KMT2B: variants seen among roughly 807,000 people sequenced by gnomAD.
KMT2B encodes the protein lysine methyltransferase 2B.
Under a neutral mutation model 255.3 loss-of-function variants are expected in KMT2B, and 22 were observed. That is an observed-to-expected ratio of 0.09 (90% CI 0.06 to 0.12). KMT2B has a LOEUF of 0.12. Among genes scored for constraint, KMT2B ranks in the 10% least tolerant of loss-of-function variants. The pLI, the probability that KMT2B is intolerant of heterozygous loss-of-function variation, is 1.00. For synonymous variants in KMT2B, 1,730 were observed against 1,498.1 expected, an observed-to-expected ratio of 1.15 and a Z score of -3.57; for missense variants, 3,149 against 3,737.0, an observed-to-expected ratio of 0.84 and a Z score of 4.10.
At chr19:35,721,847 G>A (rs779083098) in intron 3 of KMT2B, 43 bp downstream of exon 3, 2 of 1,505,606 alleles carry the variant, frequency 1.3e-6, no homozygotes, top group South Asian at 2.6e-5. Flanking sequence ...CAGCCATCCA[G>A]CCTCCATTCT....
At chr19:35,728,710 T>A in intron 19 of KMT2B, 64 bp from the exon 20 acceptor site, 1 of 1,282,166 alleles carries the variant, frequency 7.8e-7, no homozygotes, top group South Asian at 1.2e-5. Flanking sequence ...GGCTGGTTTG[T>A]GGATGGGCCC....
rs1969023809 is a variant in KMT2B, at chr19:35,718,103, G to C, written c.85G>C (p.Gly29Arg). Reference protein sequence around the residue: ...RFPGRPRGAGGGGGRGGRGNG... With the variant: ...RFPGRPRGAGRGGGRGGRGNG... ...CCCGGGCCGGCCGCGGGGCGCCGGC[G>C]GGGGCGGGGGCCGCGGCGGACGGGG... The change falls in exon 1 of 37, where the codon GGG (glycine) becomes CGG (arginine). Residue 29 changes from glycine to arginine, a missense_variant. By Grantham distance (125) the Gly-to-Arg change is moderately radical. This residue lies in a region of KMT2B where 10 missense variants were observed against 26.9 expected (regional missense o/e 0.37). Transcript: ENST00000420124. This position sits in a 1 kb window ranked among gnomAD's most constrained non-coding sequence, Gnocchi z 5.0. 1.0e-6 allele frequency: 1 copy of C among 992,020 alleles called. No individual in the cohort carries two copies. The highest frequency in any genetic ancestry group is 1.8e-5 in the African/African-American group (1 of 56,862). 61.5% of individuals were successfully genotyped at this position (992,020 alleles called of 1,614,324 possible). A position where few individuals can be genotyped will look rare whatever the true frequency, so the allele number is the denominator to read the frequency against.
chr19:35,723,371 A>C lies in KMT2B; in HGVS notation c.3003-76A>C. 6.5e-7 allele frequency: 1 copy of C among 1,540,972 alleles called. No homozygotes were observed. Among genetic ancestry groups the C allele is most frequent in the Non-Finnish European group, 8.8e-7 (1 of 1,137,708 alleles). On this transcript the variant is annotated intron_variant, in intron 6 of 36. Coordinates refer to ENST00000420124, the MANE Select transcript of KMT2B (RefSeq NM_014727.3). This position sits in a 1 kb window ranked among gnomAD's most constrained non-coding sequence, Gnocchi z 7.5. ...GCCTGGCCAGAGCAGTGGGGTTGGCATTCTTGTGGAGAGCTTCCTCTCTTC... is the reference window on the plus strand; with the variant it reads ...GCCTGGCCAGAGCAGTGGGGTTGGCCTTCTTGTGGAGAGCTTCCTCTCTTC...
chr19:35,719,694 A>G (rs1051202242), intron 2 of KMT2B, 90 bp from the exon 3 acceptor site: 49 of 1,528,918 alleles, frequency 3.2e-5, no homozygotes, highest in Non-Finnish European at 3.9e-5. Context: ...GGAAACACAC[A>G]AGCAAGACTT....
Position 35,719,708 on chromosome 19 carries a change from C to T in KMT2B, c.437-76C>T, listed in dbSNP as rs998547339. 5.9e-6 allele frequency: 9 copies of T among 1,531,870 alleles called. No individual in the cohort carries two copies. In the East Asian group the frequency reaches 1.6e-4, roughly 27 times the overall value. 94.9% of individuals were successfully genotyped at this position (1,531,870 alleles called of 1,614,324 possible). ...GGGAAACACACAAGCAAGACTTAGT[C>T]CCTGCCCTCCTGGAGCGCCTTCCTC... On this transcript the variant is annotated intron_variant, in intron 2 of 36. Coordinates refer to ENST00000420124, the MANE Select transcript of KMT2B (RefSeq NM_014727.3).
chr19:35,721,330 C>G lies in KMT2B; in HGVS notation c.1983C>G (p.Ile661Met). Reference protein sequence around the residue: ...QFTPSEAHLKIYESVLTPPPL... With the variant: ...QFTPSEAHLKMYESVLTPPPL... Reference sequence around the variant, plus strand: ...CCCCAAGCGAAGCCCACCTGAAGATCTACGAATCGGTGCTTACTCCTCCTC... The same window carrying G: ...CCCCAAGCGAAGCCCACCTGAAGATGTACGAATCGGTGCTTACTCCTCCTC... Residue 661 changes from isoleucine to methionine, a missense_variant, in exon 3 of 37, where the codon ATC becomes ATG. Ile to Met is a conservative substitution (Grantham distance 10, BLOSUM62 1). This residue lies in a region of KMT2B where 1,188 missense variants were observed against 1,106.4 expected (regional missense o/e 1.07). Coordinates refer to ENST00000420124, the MANE Select transcript of KMT2B (RefSeq NM_014727.3). The G allele has an allele frequency of 6.4e-7, 1 of 1,561,526 alleles. No homozygotes were observed. Among genetic ancestry groups the G allele is most frequent in the Non-Finnish European group, 8.7e-7 (1 of 1,154,100 alleles).
Position 35,737,591 on chromosome 19 carries a change from C to CT in KMT2B, c.7551-44dup. On this transcript the variant is annotated intron_variant, in intron 33 of 36. Coordinates refer to ENST00000420124, the MANE Select transcript of KMT2B (RefSeq NM_014727.3). The surrounding 1 kb of genome is among the most constrained non-coding windows in gnomAD (Gnocchi z 5.3). The stretch of plus-strand genomic sequence containing the variant: ...AACCCCACCCATTTCCCTGTTAGCT[C>CT]TGTCTTCAACAGTATATTCCTCCTT... 1 of 1,279,710 alleles carries CT rather than the reference C, an allele frequency of 7.8e-7. No homozygotes were observed. The highest frequency in any genetic ancestry group is 1.1e-6 in the Non-Finnish European group (1 of 917,090). The allele number at this position is 1,279,710 out of a possible 1,614,324, so 79.3% of individuals were successfully genotyped here.
rs1385450145 is a variant in KMT2B at position 35,727,297 on chromosome 19, G to T, written c.4117+28G>T. 1 of 1,595,618 alleles carries T rather than the reference G, an allele frequency of 6.3e-7. No homozygotes were observed. Among genetic ancestry groups the T allele is most frequent in the African/African-American group, 1.3e-5 (1 of 74,532 alleles). On this transcript the variant is annotated intron_variant, in intron 15 of 36. Transcript: ENST00000420124. The surrounding 1 kb of genome is among the most constrained non-coding windows in gnomAD (Gnocchi z 4.2). Reference sequence around the variant, plus strand: ...GAGTCAGTGGAGCACCTGGGCTGCAGCCTCAACCCTGTGGGGACCCCTGCC... The same window carrying T: ...GAGTCAGTGGAGCACCTGGGCTGCATCCTCAACCCTGTGGGGACCCCTGCC...
In KMT2B at chr19:35,725,288, C is replaced by A; in HGVS notation, c.3597C>A (p.Gly1199=). The A allele has an allele frequency of 1.3e-6, 2 of 1,579,300 alleles. No homozygotes were observed. Among genetic ancestry groups the A allele is most frequent in the Non-Finnish European group, 1.7e-6 (2 of 1,163,212 alleles). The change falls in exon 11 of 37, where the codon GGC becomes GGA. Residue 1199 remains glycine, a synonymous_variant. Transcript: ENST00000420124. This position sits in a 1 kb window ranked among gnomAD's most constrained non-coding sequence, Gnocchi z 4.1. ...GTGTGCTCACCTCTGTGCCAGGGGGCCCCCCGATGGTGTGCTTGCTGTGTG... is the reference window on the plus strand; with the variant it reads ...GTGTGCTCACCTCTGTGCCAGGGGGACCCCCGATGGTGTGCTTGCTGTGTG... ...GLSVLTSVPG[G]PPMVCLLCAS...
At chr19:35,736,632 CAG>C (rs895634465) in intron 30 of KMT2B, 56 bp from the exon 31 acceptor site, 63 of 1,598,058 alleles carry the variant, frequency 3.9e-5, no homozygotes, top group Non-Finnish European at 4.4e-5. Flanking sequence ...CAGCGGGGCT[CAG>C]GGGCTTTTGA....
chr19:35,730,268 T>C (rs1242428237), intron 23 of KMT2B, 74 bp from the exon 24 acceptor site: 3 of 1,602,724 alleles, frequency 1.9e-6, no homozygotes, highest in African/African-American at 1.3e-5. Context: ...GCCAAGCCCC[T>C]GACTGTTCAG....
At chr19:35,722,506 G>GGCGGGAGGAGTGGGGCT in intron 4 of KMT2B, 34 bp downstream of exon 4, 1 of 1,599,926 alleles carries the variant, frequency 6.3e-7, no homozygotes, top group South Asian at 1.1e-5. Context: ...GAAGAAGACT[G>GGCGGGAGGAGTGGGGCT]GCGGGAGGAG....
intron 23 of KMT2B, 47 bp from the exon 24 acceptor site, chr19:35,730,295 C>T (rs1319326717): frequency 3.1e-6 from 5 of 1,606,000 alleles, no homozygotes; most frequent in African/African-American, 1.3e-5. Context: ...CTGGCATCCA[C>T]CTCCCCCACC....
chr19:35,738,444 C>A lies in KMT2B; in HGVS notation c.8035C>A (p.Arg2679Ser). ...ACACATTGTTATCTTCGCCCTGCGC[C>A]GCATCCTGCGTGGTGAGGAGCTCAC... ...QKHIVIFALR[R>S]ILRGEELTYD... The change falls in exon 37 of 37, where the codon CGC becomes AGC. Residue 2679 changes from arginine (R) to serine (S), a missense_variant. This residue lies in a region of KMT2B where 56 missense variants were observed against 238.8 expected (regional missense o/e 0.23). Coordinates refer to ENST00000420124, the MANE Select transcript of KMT2B (RefSeq NM_014727.3). This position sits in a 1 kb window ranked among gnomAD's most constrained non-coding sequence, Gnocchi z 8.7. 1 of 1,614,108 alleles carries A rather than the reference C, an allele frequency of 6.2e-7. No individual in the cohort carries two copies. Among genetic ancestry groups the A allele is most frequent in the Non-Finnish European group, 8.5e-7 (1 of 1,179,960 alleles).
chr19:35,738,709 GCCTCCACC>G lies in KMT2B; in HGVS notation c.*159_*166del, dbSNP rs1387114315. 1.9e-4 allele frequency: 154 copies of G among 815,970 alleles called. No homozygotes were observed. The highest frequency in any genetic ancestry group is 1.2e-3 in the South Asian group (67 of 54,976). The allele number at this position is 815,970 out of a possible 1,614,324, so 50.5% of individuals were successfully genotyped here. A position where few individuals can be genotyped will look rare whatever the true frequency, so the allele number is the denominator to read the frequency against. On this transcript the variant is annotated 3_prime_UTR_variant, in exon 37 of 37. Coordinates refer to ENST00000420124, the MANE Select transcript of KMT2B (RefSeq NM_014727.3). This position sits in a 1 kb window ranked among gnomAD's most constrained non-coding sequence, Gnocchi z 8.7. Reference sequence around the variant, plus strand: ...TGGGCATGCAGGTGACAAGGGCCCTGCCTCCACCCCTCCAGCCCATCCAGCAATCGCCC... The same window carrying G: ...TGGGCATGCAGGTGACAAGGGCCCTGCCTCCAGCCCATCCAGCAATCGCCC...
Position 35,732,637 on chromosome 19 carries a change from C to T in KMT2B, c.6088C>T (p.Pro2030Ser), listed in dbSNP as rs958982240. 3.7e-6 allele frequency: 6 copies of T among 1,611,080 alleles called. No individual in the cohort carries two copies. The African/African-American group carries it at 8.0e-5, about 21-fold the overall frequency. ...PGDSSEEESS[P>S]TSRYIHFPVT... ...GGACAGCTCCGAGGAGGAGTCCAGC[C>T]CCACCTCCCGCTACATCCACTTCCC... Residue 2030 changes from proline (P) to serine (S), a missense_variant, in exon 28 of 37, where the codon CCC (proline) becomes TCC (serine). Coordinates refer to ENST00000420124, the MANE Select transcript of KMT2B (RefSeq NM_014727.3).
rs2146457655 is a variant in KMT2B at position 35,728,294 on chromosome 19, G to T, written c.4571+123G>T. 3.5e-6 allele frequency: 3 copies of T among 845,280 alleles called. No individual in the cohort carries two copies. The East Asian group carries it at 8.0e-5, about 23-fold the overall frequency. The allele number at this position is 845,280 out of a possible 1,614,324, so 52.4% of individuals were successfully genotyped here. ...GGGTCTGGAGCAGAGCTGGAGAGGA[G>T]GGTGGTGGAACCCAGGTGAGATTCC... On this transcript the variant is annotated intron_variant, in intron 19 of 36. Coordinates refer to ENST00000420124, the MANE Select transcript of KMT2B (RefSeq NM_014727.3).
At chr19:35,729,647 C>T (rs953202831) in intron 22 of KMT2B, among the ~76,000 whole-genome samples, 2 of 152,126 alleles carry the variant, frequency 1.3e-5, no homozygotes, top group Non-Finnish European at 2.9e-5. Flanking sequence ...AGAGAGACCT[C>T]AGGCACTCTC....
chr19:35,727,062 G>A lies in KMT2B; in HGVS notation c.4004-94G>A. On this transcript the variant is annotated intron_variant, in intron 14 of 36. Coordinates refer to ENST00000420124, the MANE Select transcript of KMT2B (RefSeq NM_014727.3). The surrounding 1 kb of genome is among the most constrained non-coding windows in gnomAD (Gnocchi z 4.2). ...AGGGGCCCAAAACAGGGGCATAGTG[G>A]AGGCAGCTAAGGTACTGCTAATCCT... The A allele has an allele frequency of 1.3e-6, 1 of 792,538 alleles. No individual in the cohort carries two copies. The highest frequency in any genetic ancestry group is 1.7e-5 in the South Asian group (1 of 59,788). 49.1% of individuals were successfully genotyped at this position (792,538 alleles called of 1,614,324 possible). A position where few individuals can be genotyped will look rare whatever the true frequency, so the allele number is the denominator to read the frequency against.
Sources: gnomAD v4.1 joint callset for allele counts (sites outside exome capture counted in the v4.1 genomes callset) on GRCh38, gnomAD v4.1.1 for gene constraint, gnomAD v4.1.1 regional missense constraint, Gnocchi (gnomAD v3.1) non-coding constraint, MANE v1.5 for transcripts, NCBI Gene and HGNC (gene_info 2026-07-23, HGNC 2026-07-21) for gene names.